Variants in SERF2 observed in about 807,000 individuals in gnomAD.
SERF2 encodes the protein small EDRK-rich factor 2.
In SERF2, 4 loss-of-function variants were observed where a neutral mutation model predicts 10.7. The observed-to-expected ratio is 0.37, with a 90% CI of 0.18 to 0.86. The LOEUF (loss-of-function observed/expected upper bound fraction) is 0.86. Ranked by LOEUF, SERF2 falls within the 40% of genes least tolerant of loss-of-function variation. The pLI is 0.43. For synonymous variants in SERF2, 26 were observed against 26.0 expected, an observed-to-expected ratio of 1.00 and a Z score of 0.01; for missense variants, 47 against 79.1, an observed-to-expected ratio of 0.59 and a Z score of 1.54.
At chr15:43,782,344 T>C (rs1240787245) in intron 1 of SERF2, among the ~76,000 whole-genome samples, 2 of 152,218 alleles carry the variant, frequency 1.3e-5, no homozygotes, top group Non-Finnish European at 2.9e-5. Flanking sequence ...ATTTGCAAGC[T>C]GTGACACTTA....
rs1157645746 is a variant in SERF2, at chr15:43,794,539, T to C, written c.*766T>C. The C allele has an allele frequency of 6.2e-6, 1 of 162,198 alleles. No individual in the cohort carries two copies. Among genetic ancestry groups the C allele is most frequent in the African/African-American group, 2.4e-5 (1 of 41,672 alleles). 10.0% of individuals were successfully genotyped at this position (162,198 alleles called of 1,614,324 possible). On this transcript the variant is annotated 3_prime_UTR_variant, in exon 3 of 3. Transcript: ENST00000249786. ...TCAAAATCAGGATTAAAACCTGGGG[T>C]AGCCTCTGTGCTCCTTTCTTCTATG...
chr15:43,787,358 G>T (rs1467424779), upstream of SERF2, among the ~76,000 whole-genome samples: 1 of 152,182 alleles, frequency 6.6e-6, no homozygotes, highest in African/African-American at 2.4e-5. Flanking sequence ...GATTGACTTA[G>T]CCATTCAGTA....
upstream of SERF2, among the ~76,000 whole-genome samples, chr15:43,789,355 T>C (rs1382183389): frequency 1.3e-5 from 2 of 152,174 alleles, no homozygotes; most frequent in Non-Finnish European, 2.9e-5. Context: ...TGGGATGACC[T>C]GAGGGAGGAG....
At chr15:43,790,335 T>C (rs556652359), upstream of SERF2, among the ~76,000 whole-genome samples, 2 of 151,440 alleles carry the variant, frequency 1.3e-5, no homozygotes, top group East Asian at 1.9e-4. Flanking sequence ...TTCATATATA[T>C]AGACAGACAT....
intron 1 of SERF2, among the ~76,000 whole-genome samples, chr15:43,780,100 A>G (rs988019120): frequency 6.6e-5 from 10 of 152,060 alleles, no homozygotes; most frequent in Non-Finnish European, 1.5e-4. Flanking sequence ...GTTTTTCTTT[A>G]TGAACCCCTG....
At position 43,795,534 on chromosome 15, in the gene SERF2, C is replaced by T; in HGVS notation, c.*1761C>T. 3 of 1,614,158 alleles carry T rather than the reference C, an allele frequency of 1.9e-6. No individual in the cohort carries two copies. Among genetic ancestry groups the T allele is most frequent in the Non-Finnish European group, 8.5e-7 (1 of 1,180,034 alleles). On this transcript the variant is annotated 3_prime_UTR_variant, in exon 3 of 3. Transcript: ENST00000249786. ...GGTCAGCTGGCCTCGCAGCCCCACC[C>T]CTTTGCCCTGGAGAGAGGAAATGGC... is the stretch of plus-strand genomic sequence containing the variant.
intron 1 of SERF2, chr15:43,792,619 G>A (rs954317263): frequency 3.5e-6 from 5 of 1,430,620 alleles, no homozygotes; most frequent in Middle Eastern, 2.0e-4. Context: ...GGTGTAAGGA[G>A]AAGGCCAGCG....
At chr15:43,785,200 T>C (rs1466870509) in intron 1 of SERF2, among the ~76,000 whole-genome samples, 4 of 149,576 alleles carry the variant, frequency 2.7e-5, no homozygotes, top group Non-Finnish European at 4.5e-5. Context: ...TCCCAAGTAG[T>C]TGGGATTACA....
intron 1 of SERF2, chr15:43,785,268 C>T (rs1030764209): frequency 2.0e-5 from 3 of 151,184 alleles, no homozygotes; most frequent in Non-Finnish European, 4.4e-5. Flanking sequence ...GAGGTTTCAC[C>T]ATGTTGGCCA....
chr15:43,795,103 A>G lies in SERF2; in HGVS notation c.*1330A>G. On this transcript the variant is annotated 3_prime_UTR_variant, in exon 3 of 3. Coordinates refer to ENST00000249786, the MANE Select transcript of SERF2 (RefSeq NM_001018108.4). The stretch of plus-strand genomic sequence containing the variant: ...GGTGGGGGGCCAACAGAGTGGTGCC[A>G]GTAACAGCCCCAGATAGAGGAGTAC... 6.2e-7 allele frequency: 1 copy of G among 1,614,012 alleles called. No individual in the cohort carries two copies. Among genetic ancestry groups the G allele is most frequent in the Non-Finnish European group, 8.5e-7 (1 of 1,180,002 alleles).
chr15:43,790,931 T>A (rs1048511673), upstream of SERF2, among the ~76,000 whole-genome samples: 10 of 144,248 alleles, frequency 6.9e-5, no homozygotes, highest in African/African-American at 2.5e-4. Context: ...ACCCAGCTAT[T>A]TTTTTTTTTT....
Position 43,793,852 on chromosome 15 carries a change from T to G in SERF2, c.*79T>G. On this transcript the variant is annotated 3_prime_UTR_variant, in exon 3 of 3. Coordinates refer to ENST00000249786, the MANE Select transcript of SERF2 (RefSeq NM_001018108.4). ...GTCCCACCACGCTCGCGTTTCCTCC[T>G]GTAGTGCTCACAGGTCCCAGCACCG... The G allele has an allele frequency of 6.2e-7, 1 of 1,613,624 alleles. No homozygotes were observed. The highest frequency in any genetic ancestry group is 8.5e-7 in the Non-Finnish European group (1 of 1,179,756).
In SERF2 at chr15:43,795,637, G is replaced by T. The variant is rs2087195393; in HGVS notation, c.*1864G>T. On this transcript the variant is annotated 3_prime_UTR_variant, in exon 3 of 3. Coordinates refer to ENST00000249786, the MANE Select transcript of SERF2 (RefSeq NM_001018108.4). ...TGTTAAGGCTCTTGAGGGTTCTTAT[G>T]GCACTCCACAGAGATCTACCACTTC... is the stretch of plus-strand genomic sequence containing the variant. 3 of 1,609,114 alleles carry T rather than the reference G, an allele frequency of 1.9e-6. No homozygotes were observed. The highest frequency in any genetic ancestry group is 2.5e-6 in the Non-Finnish European group (3 of 1,176,724).
At chr15:43,785,693 A>ATTTTCT in intron 2 of SERF2, among the ~76,000 whole-genome samples, 1 of 136,728 alleles carries the variant, frequency 7.3e-6, no homozygotes, top group Non-Finnish European at 1.6e-5. Flanking sequence ...CTGGGACTGA[A>ATTTTCT]TTTTCTTTTT....
At chr15:43,777,970 T>C (rs1272130329) in intron 1 of SERF2, 1 of 150,526 alleles carries the variant, frequency 6.6e-6, no homozygotes, top group Admixed American at 6.6e-5. Flanking sequence ...ATACATTTTT[T>C]TTTTTTTTTT....
At chr15:43,793,489 G>A (rs1037515963) in intron 2 of SERF2, 8 of 1,342,204 alleles carry the variant, frequency 6.0e-6, no homozygotes, top group Non-Finnish European at 8.0e-6. Flanking sequence ...TTGGGCCTGT[G>A]TCACCAGACT....
At chr15:43,792,048 GAGCGCCACATCGCC>G (rs1304692855), upstream of SERF2, 2 of 496,246 alleles carry the variant, frequency 4.0e-6, no homozygotes, top group Non-Finnish European at 7.4e-6. Context: ...GAGCCCGCGG[GAGCGCCACATCGCC>G]AGCCGCACCC....
intron 1 of SERF2, among the ~76,000 whole-genome samples, chr15:43,777,831 C>T (rs28410121): frequency 0.77 from 116,618 of 151,902 alleles, 45,926 homozygotes; most frequent in East Asian, 1. Context: ...CCAAGAGCCC[C>T]GATGTTGTCC....
intron 1 of SERF2, among the ~76,000 whole-genome samples, chr15:43,779,891 A>C (rs926601523): frequency 1.3e-5 from 2 of 152,232 alleles, no homozygotes; most frequent in African/African-American, 4.8e-5. Flanking sequence ...CAGTAACTGC[A>C]ATGTTATTAC....
Sources: allele counts gnomAD v4.1 joint callset (sites outside exome capture counted in the v4.1 genomes callset), GRCh38; gene constraint gnomAD v4.1.1; transcripts MANE v1.5; gene names NCBI Gene and HGNC (gene_info 2026-07-23, HGNC 2026-07-21).